AGBL4: variants seen among roughly 807,000 people sequenced by gnomAD.
AGBL4 encodes AGBL carboxypeptidase 4, also known as cytosolic carboxypeptidase 6.
AGBL4 carries 58 observed loss-of-function variants against 66.4 expected under a neutral mutation model. The ratio of observed to expected loss-of-function variants is 0.87; its 90% CI spans 0.71 to 1.09. AGBL4 has a LOEUF of 1.09. AGBL4 is among the 50% of genes least tolerant of loss of function. The pLI, the probability that AGBL4 is intolerant of heterozygous loss-of-function variation, is 0.00. For synonymous variants in AGBL4, 234 were observed against 222.9 expected (o/e 1.05, Z -0.44); for missense variants, 579 against 631.0 (o/e 0.92, Z 0.88).
At chr1:49,337,398 G>T (rs1645458306) in intron 3 of AGBL4, among the ~76,000 whole-genome samples, 1 of 152,122 alleles carries the variant, frequency 6.6e-6, no homozygotes, top group Admixed American at 6.5e-5. Flanking sequence ...GATTCTCCCT[G>T]CCAGCAAGCA....
chr1:48,776,074 T>C (rs1384856615), intron 6 of AGBL4, among the ~76,000 whole-genome samples: 3 of 152,106 alleles, frequency 2.0e-5, no homozygotes, highest in Non-Finnish European at 2.9e-5. Flanking sequence ...GACAAGGATG[T>C]CATAGCTTCC....
intron 6 of AGBL4, among the ~76,000 whole-genome samples, chr1:48,719,413 C>A (rs1647107639): frequency 6.6e-6 from 1 of 152,216 alleles, no homozygotes; most frequent in South Asian, 2.1e-4. Context: ...CATCTCTCAC[C>A]TGAGTTATTC....
chr1:49,841,622 A>G (rs1284734992), intron 2 of AGBL4, among the ~76,000 whole-genome samples: 2 of 152,280 alleles, frequency 1.3e-5, no homozygotes, highest in East Asian at 3.9e-4. Context: ...CCGAAACAGT[A>G]TGGTGCTGGT....
At chr1:48,551,263 T>C (rs1487805181) in intron 11 of AGBL4, among the ~76,000 whole-genome samples, 1 of 152,224 alleles carries the variant, frequency 6.6e-6, no homozygotes, top group Non-Finnish European at 1.5e-5. Context: ...TAATCCTGGC[T>C]CCTACATGTT....
intron 2 of AGBL4, among the ~76,000 whole-genome samples, chr1:49,792,829 C>G (rs909677094): frequency 6.6e-6 from 1 of 151,912 alleles, no homozygotes; most frequent in Admixed American, 6.6e-5. Flanking sequence ...TAGGTATAGG[C>G]GTAAAACAGA....
At position 48,855,769 on chromosome 1, in the gene AGBL4, A is replaced by G. The variant is rs979163237; in HGVS notation, c.634+11422T>C. ...AATAGAACTTTTTTTTTTGCAAATA[A>G]GGCTACAGATAAAAATTGGAACATA... On this transcript the variant is annotated intron_variant, in intron 6 of 13. Transcript: ENST00000371839. Among the ~76,000 whole-genome samples, 16 of 152,230 alleles carry G rather than the reference A, an allele frequency of 1.1e-4. No individual in the cohort carries two copies. The East Asian group carries it at 1.2e-3, about 11-fold the overall frequency.
chr1:49,636,861 A>G (rs1413135029), intron 3 of AGBL4, among the ~76,000 whole-genome samples: 1 of 152,210 alleles, frequency 6.6e-6, no homozygotes, highest in Non-Finnish European at 1.5e-5. Flanking sequence ...ATTGGATTGA[A>G]AGATGAAAAA....
chr1:48,974,140 A>G (rs1486971060), intron 5 of AGBL4, among the ~76,000 whole-genome samples: 3 of 152,112 alleles, frequency 2.0e-5, no homozygotes, highest in Non-Finnish European at 2.9e-5. Flanking sequence ...TATGACCTTG[A>G]GTGAAGGATA....
intron 3 of AGBL4, among the ~76,000 whole-genome samples, chr1:49,295,084 C>A (rs1478287129): frequency 6.6e-6 from 1 of 152,136 alleles, no homozygotes; most frequent in Non-Finnish European, 1.5e-5. Context: ...TTATTCATTC[C>A]AGCATCCATG....
chr1:48,876,362 T>C (rs1487153723), intron 5 of AGBL4, among the ~76,000 whole-genome samples: 1 of 152,116 alleles, frequency 6.6e-6, no homozygotes, highest in East Asian at 1.9e-4. Flanking sequence ...ATGGGGGTTG[T>C]GCTAGAGGAT....
intron 5 of AGBL4, among the ~76,000 whole-genome samples, chr1:48,887,017 G>A (rs921708494): frequency 6.6e-6 from 1 of 152,140 alleles, no homozygotes; most frequent in Non-Finnish European, 1.5e-5. Flanking sequence ...AAGTCTAACT[G>A]GGGGCATCTT....
intron 6 of AGBL4, among the ~76,000 whole-genome samples, chr1:48,763,100 AAACAACAACAAC>A (rs138330596): frequency 1.1e-4 from 16 of 151,204 alleles, no homozygotes; most frequent in South Asian, 8.4e-4. Flanking sequence ...GATTTAATTA[AAACAACAACAAC>A]AACAACAACA....
intron 2 of AGBL4, among the ~76,000 whole-genome samples, chr1:49,770,537 G>C (rs993663249): frequency 3.0e-4 from 46 of 152,154 alleles, no homozygotes; most frequent in African/African-American, 9.2e-4. Flanking sequence ...CTTTTAAAAA[G>C]AGTTTGAAAG....
intron 3 of AGBL4, among the ~76,000 whole-genome samples, chr1:49,560,041 A>G (rs1643997870): frequency 6.6e-6 from 1 of 152,156 alleles, no homozygotes; most frequent in South Asian, 2.1e-4. Context: ...GAAGCCTGCA[A>G]TGAATATCTA....
intron 6 of AGBL4, among the ~76,000 whole-genome samples, chr1:48,685,871 G>A (rs1468251457): frequency 6.6e-6 from 1 of 152,166 alleles, no homozygotes; most frequent in Non-Finnish European, 1.5e-5. Context: ...GATCATGATG[G>A]CAATAGTCAC....
intron 4 of AGBL4, among the ~76,000 whole-genome samples, chr1:49,115,188 T>C (rs1645491138): frequency 6.6e-6 from 1 of 152,222 alleles, no homozygotes; most frequent in Non-Finnish European, 1.5e-5. Flanking sequence ...TAATAAAGAA[T>C]CCTGTTTGGG....
intron 1 of AGBL4, among the ~76,000 whole-genome samples, chr1:49,901,220 G>C (rs1446273964): frequency 6.6e-6 from 1 of 152,170 alleles, no homozygotes; most frequent in Non-Finnish European, 1.5e-5. Context: ...AGAAATAAGA[G>C]TCATCCAAAT....
intron 6 of AGBL4, among the ~76,000 whole-genome samples, chr1:48,834,949 A>C (rs1570782656): frequency 6.6e-6 from 1 of 152,150 alleles, no homozygotes; most frequent in African/African-American, 2.4e-5. Context: ...GGCTTTCTTT[A>C]CCAGCCTTGT....
At chr1:49,506,854 C>T (rs1648735881) in intron 3 of AGBL4, among the ~76,000 whole-genome samples, 1 of 152,022 alleles carries the variant, frequency 6.6e-6, no homozygotes. Flanking sequence ...CATACAAAAA[C>T]AGATAAGCTG....
Sources: allele counts gnomAD v4.1 joint callset (sites outside exome capture counted in the v4.1 genomes callset), GRCh38; gene constraint gnomAD v4.1.1; transcripts MANE v1.5; gene names NCBI Gene and HGNC (gene_info 2026-07-23, HGNC 2026-07-21).